Variants in ATRNL1 observed in about 807,000 individuals in gnomAD.
The protein encoded by ATRNL1 is attractin like 1, also known as attractin-like protein 1.
In ATRNL1, 95 loss-of-function variants were observed where a neutral mutation model predicts 182.7. That is an observed-to-expected ratio of 0.52 (90% CI 0.44 to 0.62). The LOEUF is 0.62. Among genes scored for constraint, ATRNL1 ranks in the 20% least tolerant of loss-of-function variants. The pLI is 0.00. For synonymous variants in ATRNL1, 576 were observed against 568.3 expected (o/e 1.01, Z -0.19); for missense variants, 1,471 against 1,679.5 (o/e 0.88, Z 2.17).
rs1845625433 is a variant in ATRNL1 at position 115,138,659 on chromosome 10, G to C, written c.829+9124G>C. Among the ~76,000 whole-genome samples the C allele has an allele frequency of 2.6e-5, 4 of 152,184 alleles. No homozygotes were observed. In the South Asian group the frequency reaches 8.3e-4, roughly 32 times the overall value. On this transcript the variant is annotated intron_variant, in intron 5 of 28. Coordinates refer to ENST00000355044, the MANE Select transcript of ATRNL1 (RefSeq NM_207303.4). Reference sequence around the variant, plus strand: ...GTCCCTAGGCTGTACAGAGCAGGGGGGCCCTGGGCCTGAGCCATGAAGTCA... The same window carrying C: ...GTCCCTAGGCTGTACAGAGCAGGGGCGCCCTGGGCCTGAGCCATGAAGTCA...
intron 3 of ATRNL1, among the ~76,000 whole-genome samples, chr10:115,126,085 G>A (rs1419031531): frequency 6.6e-6 from 1 of 152,220 alleles, no homozygotes; most frequent in African/African-American, 2.4e-5. Flanking sequence ...TTGAGACGGA[G>A]TCTCGCTCTG....
At chr10:115,773,071 C>G (rs1337634468) in intron 27 of ATRNL1, among the ~76,000 whole-genome samples, 1 of 151,962 alleles carries the variant, frequency 6.6e-6, no homozygotes, top group Non-Finnish European at 1.5e-5. Flanking sequence ...AAAACTACTA[C>G]GGAAGCAGAA....
In ATRNL1 at chr10:115,555,136, A is replaced by G. The variant is rs553019747; in HGVS notation, c.3795+5600A>G. Among the ~76,000 whole-genome samples, 15 of 151,850 alleles carry G rather than the reference A, an allele frequency of 9.9e-5. No homozygotes were observed. The South Asian group carries it at 3.1e-3, about 32-fold the overall frequency. On this transcript the variant is annotated intron_variant, in intron 26 of 28. Coordinates refer to ENST00000355044, the MANE Select transcript of ATRNL1 (RefSeq NM_207303.4). ...ATCTGGCAACCCTATTTTCAACACAAATGCTCACCCTGGAGCTCAGGGGTG... is the reference window on the plus strand; with the variant it reads ...ATCTGGCAACCCTATTTTCAACACAGATGCTCACCCTGGAGCTCAGGGGTG...
chr10:115,580,962 T>C (rs782277848), intron 26 of ATRNL1, among the ~76,000 whole-genome samples: 1 of 152,186 alleles, frequency 6.6e-6, no homozygotes, highest in Non-Finnish European at 1.5e-5. Flanking sequence ...CTGACCGTGG[T>C]GTGAACACCC....
At chr10:115,692,105 T>C (rs917624876) in intron 26 of ATRNL1, among the ~76,000 whole-genome samples, 6 of 152,210 alleles carry the variant, frequency 3.9e-5, no homozygotes, top group Non-Finnish European at 7.3e-5. Context: ...CTGAAACTTT[T>C]TCCTAGAGTT....
intron 8 of ATRNL1, among the ~76,000 whole-genome samples, chr10:115,196,611 T>A (rs1359863310): frequency 6.6e-6 from 1 of 152,084 alleles, no homozygotes; most frequent in Non-Finnish European, 1.5e-5. Context: ...GTATTTTATA[T>A]TTTTCAATAT....
In ATRNL1 at chr10:115,848,634, G is replaced by A. The variant is rs552280157; in HGVS notation, c.4018+643G>A. 2.0e-5 allele frequency among the ~76,000 whole-genome samples: 3 copies of A among 152,266 alleles called. No individual in the cohort carries two copies. In the East Asian group the frequency reaches 5.8e-4, roughly 29 times the overall value. ...CAGGATAATTATACCTGTCCTCTTA[G>A]AGCTCTGCTCATTGCGATGGTGTTG... On this transcript the variant is annotated intron_variant, in intron 28 of 28. Transcript: ENST00000355044.
rs113428787 is a variant in ATRNL1 at position 115,943,805 on chromosome 10, A to C, written c.4019-853A>C. On this transcript the variant is annotated intron_variant, in intron 28 of 28. Coordinates refer to ENST00000355044, the MANE Select transcript of ATRNL1 (RefSeq NM_207303.4). Reference sequence around the variant, plus strand: ...GATGTCCTTCAGTAGTGAATGCGTAAACAAACTATGGCACATCCGCACAAT... The same window carrying C: ...GATGTCCTTCAGTAGTGAATGCGTACACAAACTATGGCACATCCGCACAAT... Among the ~76,000 whole-genome samples the C allele has an allele frequency of 5.9e-5, 9 of 152,336 alleles. 1 individual carries two copies. The highest frequency in any genetic ancestry group is 2.2e-4 in the African/African-American group (9 of 41,586).
At chr10:115,844,245 C>T (rs569040216) in intron 27 of ATRNL1, among the ~76,000 whole-genome samples, 162 of 152,136 alleles carry the variant, frequency 1.1e-3, no homozygotes, top group Admixed American at 1.4e-3. Context: ...TCTGTTAAGC[C>T]CTCACCTGCT....
At chr10:115,928,254 G>A (rs988270170) in intron 28 of ATRNL1, among the ~76,000 whole-genome samples, 3 of 152,016 alleles carry the variant, frequency 2.0e-5, no homozygotes, top group Non-Finnish European at 4.4e-5. Flanking sequence ...TTTGTTCCAA[G>A]TAGCAAATTA....
Position 115,447,849 on chromosome 10 carries a change from T to C in ATRNL1, c.3323-14092T>C, listed in dbSNP as rs895373723. ...TACACTGCAAATATTTATATTAATTTATGCTCCATCATGGTATACAATAAT... is the reference window on the plus strand; with the variant it reads ...TACACTGCAAATATTTATATTAATTCATGCTCCATCATGGTATACAATAAT... On this transcript the variant is annotated intron_variant, in intron 21 of 28. Coordinates refer to ENST00000355044, the MANE Select transcript of ATRNL1 (RefSeq NM_207303.4). 3.9e-5 allele frequency among the ~76,000 whole-genome samples: 6 copies of C among 152,162 alleles called. No individual in the cohort carries two copies. In the East Asian group the frequency reaches 1.2e-3, roughly 29 times the overall value.
intron 17 of ATRNL1, among the ~76,000 whole-genome samples, chr10:115,302,644 T>A (rs534063941): frequency 6.6e-6 from 1 of 152,250 alleles, no homozygotes; most frequent in African/African-American, 2.4e-5. Flanking sequence ...AGGAGAAAGA[T>A]TTTGCCCCTT....
At chr10:115,391,115 T>G (rs1231092085) in intron 19 of ATRNL1, among the ~76,000 whole-genome samples, 2 of 152,222 alleles carry the variant, frequency 1.3e-5, no homozygotes, top group African/African-American at 4.8e-5. Context: ...ACTTTTTAAT[T>G]AACTTTTTAA....
intron 21 of ATRNL1, among the ~76,000 whole-genome samples, chr10:115,442,430 T>A (rs1846743914): frequency 6.6e-6 from 1 of 152,002 alleles, no homozygotes; most frequent in African/African-American, 2.4e-5. Context: ...TGTTTCCTTT[T>A]GTGTGCCTTT....
At chr10:115,170,732 T>C (rs868982099) in intron 7 of ATRNL1, among the ~76,000 whole-genome samples, 2 of 152,242 alleles carry the variant, frequency 1.3e-5, no homozygotes, top group Middle Eastern at 6.8e-3. Flanking sequence ...CTTAAAGCAG[T>C]AGTTTAGTGT....
chr10:115,255,715 C>A (rs1554906645), intron 10 of ATRNL1, among the ~76,000 whole-genome samples: 1 of 152,114 alleles, frequency 6.6e-6, no homozygotes, highest in Non-Finnish European at 1.5e-5. Context: ...TGTCTTGTGC[C>A]AGTTTTCAAA....
At chr10:115,361,819 A>C (rs538848597) in intron 19 of ATRNL1, among the ~76,000 whole-genome samples, 1 of 152,186 alleles carries the variant, frequency 6.6e-6, no homozygotes, top group African/African-American at 2.4e-5. Context: ...AAATTTTTGA[A>C]ACAGTGCTAT....
At chr10:115,850,582 GT>G (rs1330514582) in intron 28 of ATRNL1, among the ~76,000 whole-genome samples, 3 of 151,338 alleles carry the variant, frequency 2.0e-5, no homozygotes, top group Non-Finnish European at 4.4e-5. Context: ...CTGAAGTTTG[GT>G]TTATTCTGTG....
At chr10:115,421,170 A>C (rs1461875893) in intron 20 of ATRNL1, among the ~76,000 whole-genome samples, 1 of 152,210 alleles carries the variant, frequency 6.6e-6, no homozygotes, top group Non-Finnish European at 1.5e-5. Flanking sequence ...ATTGAAGTAG[A>C]GGGCATTCTT....
Sources: allele counts gnomAD v4.1 joint callset (sites outside exome capture counted in the v4.1 genomes callset), GRCh38; gene constraint gnomAD v4.1.1; transcripts MANE v1.5; gene names NCBI Gene and HGNC (gene_info 2026-07-23, HGNC 2026-07-21).